The following TMEM178B variants were observed in gnomAD, a reference collection of about 807,000 sequenced individuals.
TMEM178B encodes transmembrane protein 178B.
In TMEM178B, 5 loss-of-function variants were observed where a neutral mutation model predicts 31.0. The observed-to-expected ratio is 0.16, with a 90% confidence interval of 0.08 to 0.34. The LOEUF (loss-of-function observed/expected upper bound fraction) is 0.34. Ranked by LOEUF, TMEM178B falls within the 10% of genes least tolerant of loss-of-function variation. TMEM178B has a pLI of 1.00. For missense variants in TMEM178B, 275 were observed against 400.3 expected, an observed-to-expected ratio of 0.69 and a Z score of 2.67; for synonymous variants, 164 against 164.0, an observed-to-expected ratio of 1.00 and a Z score of 0.00.
downstream of TMEM178B, among the ~76,000 whole-genome samples, chr7:141,481,558 C>T (rs1023689331): frequency 6.6e-6 from 1 of 152,128 alleles, no homozygotes; most frequent in Non-Finnish European, 1.5e-5. Flanking sequence ...GGGCCTTGCA[C>T]AAGAAGACCT....
At chr7:141,260,423 C>A (rs545921133) in intron 2 of TMEM178B, among the ~76,000 whole-genome samples, 1 of 151,918 alleles carries the variant, frequency 6.6e-6, no homozygotes, top group Non-Finnish European at 1.5e-5. Context: ...TTTTTTTTGA[C>A]CATTTTTTCC....
At chr7:141,085,651 A>G (rs1411875537) in intron 1 of TMEM178B, among the ~76,000 whole-genome samples, 5 of 151,310 alleles carry the variant, frequency 3.3e-5, no homozygotes, top group African/African-American at 7.4e-5. Flanking sequence ...TTTGCCCTCA[A>G]TTTCTCTTCA....
chr7:141,380,366 G>A (rs921614143), intron 2 of TMEM178B, among the ~76,000 whole-genome samples: 18 of 152,268 alleles, frequency 1.2e-4, no homozygotes, highest in African/African-American at 3.9e-4. Context: ...ATATTCAATT[G>A]TAAAAAACTT....
intron 1 of TMEM178B, among the ~76,000 whole-genome samples, chr7:141,145,517 A>G (rs952732823): frequency 6.6e-6 from 1 of 152,218 alleles, no homozygotes; most frequent in Non-Finnish European, 1.5e-5. Flanking sequence ...CCTGTCTCCT[A>G]TAAAAGAAGC....
At position 141,412,110 on chromosome 7, in the gene TMEM178B, T is replaced by TGTCACATCTGTGACCAGAACAAC. The variant is rs537933330; in HGVS notation, c.497-25498_497-25497insGTCACATCTGTGACCAGAACAAC. Among the ~76,000 whole-genome samples, 36 of 152,280 alleles carry TGTCACATCTGTGACCAGAACAAC rather than the reference T, an allele frequency of 2.4e-4. No homozygotes were observed. The South Asian group carries it at 7.0e-3, about 30-fold the overall frequency. On this transcript the variant is annotated intron_variant, in intron 2 of 3. Transcript: ENST00000565468. ...CCAAAGAGCATCTGATTGTGTCAGC[T>TGTCACATCTGTGACCAGAACAAC]TGTCTTTGTTCAGTAAGAAGTGACC...
the TMEM178B span, among the ~76,000 whole-genome samples, chr7:141,489,484 G>A: frequency 1.3e-5 from 2 of 152,086 alleles, no homozygotes; most frequent in Non-Finnish European, 2.9e-5. Context: ...TAGCGATTTT[G>A]AAGGATTATA....
At chr7:141,101,693 A>C (rs923107176) in intron 1 of TMEM178B, among the ~76,000 whole-genome samples, 5 of 152,262 alleles carry the variant, frequency 3.3e-5, no homozygotes, top group Non-Finnish European at 7.3e-5. Flanking sequence ...ATTGTGGTAC[A>C]GTCAACTCCA....
At chr7:141,083,628 C>T (rs557531086) in intron 1 of TMEM178B, among the ~76,000 whole-genome samples, 6 of 152,254 alleles carry the variant, frequency 3.9e-5, no homozygotes, top group South Asian at 4.1e-4. Context: ...GTAATAAAAA[C>T]GAACTTTTCC....
intron 2 of TMEM178B, among the ~76,000 whole-genome samples, chr7:141,395,788 T>TG (rs1330327774): frequency 6.6e-6 from 1 of 152,090 alleles, no homozygotes; most frequent in Non-Finnish European, 1.5e-5. Context: ...AGGATGGGCA[T>TG]GGGGGTTGGG....
At chr7:141,365,719 G>A (rs1159024703) in intron 2 of TMEM178B, among the ~76,000 whole-genome samples, 5 of 152,196 alleles carry the variant, frequency 3.3e-5, no homozygotes, top group African/African-American at 7.2e-5. Flanking sequence ...GTCTGCAGGT[G>A]TCTGTCTGTG....
At position 141,474,420 on chromosome 7, in the gene TMEM178B, T is replaced by C; in HGVS notation, c.*3634T>C. ...TTGTTCATTGTGGCTGTAGGTTTTA[T>C]AAGGAGGTCTGTGGCTCCCTGGCAT... On this transcript the variant is annotated 3_prime_UTR_variant, in exon 4 of 4. Coordinates refer to ENST00000565468, the MANE Select transcript of TMEM178B (RefSeq NM_001195278.2). 1 of 152,194 alleles carries C rather than the reference T, an allele frequency of 6.6e-6. No individual in the cohort carries two copies. Among genetic ancestry groups the C allele is most frequent in the South Asian group, 2.1e-4 (1 of 4,824 alleles). 9.4% of individuals were successfully genotyped at this position (152,194 alleles called of 1,614,324 possible). A position where few individuals can be genotyped will look rare whatever the true frequency, so the allele number is the denominator to read the frequency against.
At chr7:141,085,403 G>A (rs893776566) in intron 1 of TMEM178B, among the ~76,000 whole-genome samples, 2 of 152,026 alleles carry the variant, frequency 1.3e-5, no homozygotes, top group African/African-American at 4.8e-5. Flanking sequence ...GCTGCTGTGA[G>A]CATTCACAGA....
chr7:141,177,827 A>G (rs961259323), intron 1 of TMEM178B, among the ~76,000 whole-genome samples: 4 of 152,154 alleles, frequency 2.6e-5, no homozygotes, highest in Non-Finnish European at 5.9e-5. Flanking sequence ...TTTTGAGCCT[A>G]TATGTGTCTT....
intron 2 of TMEM178B, among the ~76,000 whole-genome samples, chr7:141,387,347 T>C (rs1175419373): frequency 6.6e-6 from 1 of 152,158 alleles, no homozygotes; most frequent in East Asian, 1.9e-4. Context: ...TTTTATTCTA[T>C]AGATAGGGAA....
intron 3 of TMEM178B, among the ~76,000 whole-genome samples, chr7:141,438,436 T>G (rs1449987679): frequency 6.6e-6 from 1 of 151,926 alleles, no homozygotes; most frequent in Non-Finnish European, 1.5e-5. Context: ...TAAACTGTGC[T>G]TTTTGGTCTC....
chr7:141,358,810 T>C (rs1444377360), intron 2 of TMEM178B, among the ~76,000 whole-genome samples: 3 of 152,220 alleles, frequency 2.0e-5, no homozygotes, highest in Admixed American at 6.5e-5. Context: ...AATATTTTTG[T>C]AACTATTAGA....
At chr7:141,145,055 G>T (rs1795829876) in intron 1 of TMEM178B, among the ~76,000 whole-genome samples, 1 of 152,266 alleles carries the variant, frequency 6.6e-6, no homozygotes, top group Non-Finnish European at 1.5e-5. Context: ...TTATTCTAAG[G>T]TCACTTTTGG....
At chr7:141,449,197 G>A (rs1801816913) in intron 3 of TMEM178B, among the ~76,000 whole-genome samples, 1 of 152,142 alleles carries the variant, frequency 6.6e-6, no homozygotes, top group African/African-American at 2.4e-5. Context: ...CAAGCTTCTG[G>A]CCCTTGAAAC....
At chr7:141,371,742 G>A (rs1389123582) in intron 2 of TMEM178B, among the ~76,000 whole-genome samples, 2 of 152,128 alleles carry the variant, frequency 1.3e-5, no homozygotes, top group Non-Finnish European at 2.9e-5. Context: ...TACCACTAGG[G>A]CCAGGATACC....
Sources: gnomAD v4.1 joint callset for allele counts (sites outside exome capture counted in the v4.1 genomes callset) on GRCh38, gnomAD v4.1.1 for gene constraint, MANE v1.5 for transcripts, NCBI Gene and HGNC (gene_info 2026-07-23, HGNC 2026-07-21) for gene names.